MCC: variants seen among roughly 807,000 people sequenced by gnomAD.
MCC encodes the protein MCC regulator of Wnt signaling pathway.
MCC carries 90 observed loss-of-function variants against 116.2 expected under a neutral mutation model. That is an observed-to-expected ratio of 0.77 (90% CI 0.65 to 0.92). The LOEUF is 0.92. Ranked by LOEUF, MCC falls within the 40% of genes least tolerant of loss-of-function variation. MCC has a pLI of 0.00. For missense variants in MCC, 1,516 were observed against 1,312.2 expected, an observed-to-expected ratio of 1.16 and a Z score of -2.40; for synonymous variants, 578 against 510.5, an observed-to-expected ratio of 1.13 and a Z score of -1.78.
chr5:113,430,335 T>A (rs192099665), intron 1 of MCC, among the ~76,000 whole-genome samples: 1 of 152,332 alleles, frequency 6.6e-6, no homozygotes, highest in East Asian at 1.9e-4. Context: ...GGCAGAGCAC[T>A]AGGTAAAGTT....
intron 3 of MCC, among the ~76,000 whole-genome samples, chr5:113,181,453 CAA>C (rs1307670760): frequency 6.6e-6 from 1 of 152,104 alleles, no homozygotes; most frequent in Non-Finnish European, 1.5e-5. Context: ...TTATGAACTC[CAA>C]AGAGTTATCT....
intron 18 of MCC, 46 bp from the exon 19 acceptor site, chr5:113,027,528 A>G (rs367826143): frequency 2.1e-5 from 33 of 1,570,078 alleles, no homozygotes; most frequent in Admixed American, 5.0e-5. Context: ...CATCCTAAGT[A>G]GCATCGTGAC....
intron 11 of MCC, among the ~76,000 whole-genome samples, chr5:113,072,768 T>G (rs1490531844): frequency 6.6e-6 from 1 of 152,218 alleles, no homozygotes. Context: ...CCCATGATGT[T>G]ATTAGGCAGG....
chr5:113,133,855 A>C (rs1346007033), intron 5 of MCC, among the ~76,000 whole-genome samples: 1 of 152,122 alleles, frequency 6.6e-6, no homozygotes, highest in Non-Finnish European at 1.5e-5. Flanking sequence ...TGTGATTTTG[A>C]ATACTTTTTC....
chr5:113,232,512 G>T (rs1013348361), intron 3 of MCC, among the ~76,000 whole-genome samples: 1 of 151,964 alleles, frequency 6.6e-6, no homozygotes, highest in Non-Finnish European at 1.5e-5. Flanking sequence ...TTCTGAATTC[G>T]CACGCCCAAA....
chr5:113,207,163 A>G (rs1762946564), intron 3 of MCC, among the ~76,000 whole-genome samples: 1 of 152,206 alleles, frequency 6.6e-6, no homozygotes, highest in African/African-American at 2.4e-5. Context: ...TTTGGGGGTT[A>G]GAGACTTTGG....
chr5:113,317,386 G>C (rs1767311091), intron 3 of MCC, among the ~76,000 whole-genome samples: 1 of 152,178 alleles, frequency 6.6e-6, no homozygotes, highest in Admixed American at 6.5e-5. Context: ...AGAAAAGTGA[G>C]TTTATTGCAT....
intron 3 of MCC, among the ~76,000 whole-genome samples, chr5:113,248,134 G>A (rs552519561): frequency 1.3e-5 from 2 of 151,906 alleles, no homozygotes; most frequent in South Asian, 2.1e-4. Context: ...CCAGGCTGAC[G>A]TGGGAGGATT....
In MCC at chr5:113,028,956, T is replaced by A. The variant is rs1489497144; in HGVS notation, c.2857A>T (p.Asn953Tyr). The change falls in exon 18 of 19, where the codon AAT becomes TAT. Residue 953 changes from asparagine to tyrosine, a missense_variant. By Grantham distance (143) the Asn-to-Tyr change is moderately radical (BLOSUM62 -2). Transcript: ENST00000408903. ...IRHQQSAEFVNDLKRANSNLV... is the reference protein window; with the variant it reads ...IRHQQSAEFVYDLKRANSNLV... The stretch of plus-strand genomic sequence containing the variant: ...TACCTGTTGGCCCGCTTTAGATCAT[T>A]CACGAACTCTGCAGATTGCTGATGT... 1 of 1,613,994 alleles carries A rather than the reference T, an allele frequency of 6.2e-7. No homozygotes were observed.
intron 6 of MCC, among the ~76,000 whole-genome samples, chr5:113,119,063 T>C (rs1193032250): frequency 6.6e-6 from 1 of 152,222 alleles, no homozygotes; most frequent in African/African-American, 2.4e-5. Flanking sequence ...AGGTCTTCCC[T>C]GTGGACCTGT....
intron 3 of MCC, among the ~76,000 whole-genome samples, chr5:113,199,659 A>C (rs976750646): frequency 2.6e-5 from 4 of 152,234 alleles, no homozygotes; most frequent in African/African-American, 9.6e-5. Flanking sequence ...GCTCTGGTAG[A>C]ATGGTGAATG....
chr5:113,284,141 C>G (rs1252792121), intron 3 of MCC, among the ~76,000 whole-genome samples: 4 of 152,204 alleles, frequency 2.6e-5, no homozygotes, highest in Non-Finnish European at 5.9e-5. Context: ...TTTGAGGAGT[C>G]TAAAGTTATG....
At chr5:113,319,371 A>T (rs555421272) in intron 3 of MCC, among the ~76,000 whole-genome samples, 1 of 152,288 alleles carries the variant, frequency 6.6e-6, no homozygotes, top group Non-Finnish European at 1.5e-5. Flanking sequence ...TTTTCTCTTG[A>T]TGTAAACATA....
intron 5 of MCC, among the ~76,000 whole-genome samples, chr5:113,133,666 G>T (rs1758612814): frequency 6.6e-6 from 1 of 152,086 alleles, no homozygotes; most frequent in African/African-American, 2.4e-5. Flanking sequence ...TGGATCATAT[G>T]GTAGTTCTAT....
chr5:113,219,784 A>G (rs972681165), intron 3 of MCC, among the ~76,000 whole-genome samples: 4 of 152,122 alleles, frequency 2.6e-5, no homozygotes, highest in Non-Finnish European at 5.9e-5. Flanking sequence ...GAGGAGTGCT[A>G]TAAAGAGAAT....
intron 1 of MCC, among the ~76,000 whole-genome samples, chr5:113,424,030 A>G (rs1255051566): frequency 1.3e-5 from 2 of 152,032 alleles, no homozygotes; most frequent in Non-Finnish European, 2.9e-5. Context: ...GGGCCAAAAG[A>G]AAATATCTGT....
chr5:113,228,789 C>T (rs546898388), intron 3 of MCC, among the ~76,000 whole-genome samples: 12 of 152,164 alleles, frequency 7.9e-5, no homozygotes, highest in East Asian at 1.9e-4. Context: ...ACAAGAAACA[C>T]GGAGCAAATA....
intron 6 of MCC, among the ~76,000 whole-genome samples, chr5:113,117,786 T>A (rs77018315): frequency 0.011 from 1,720 of 152,330 alleles, 38 homozygotes; most frequent in African/African-American, 0.04. Flanking sequence ...CTCTGCTCTA[T>A]TGCAATACCC....
At chr5:113,044,404 G>A (rs1274542209) in intron 16 of MCC, 1 of 739,246 alleles carries the variant, frequency 1.4e-6, no homozygotes, top group African/African-American at 1.9e-5. Flanking sequence ...GACCATGCCT[G>A]AGTGCTCTAC....
Sources: gnomAD v4.1 joint callset for allele counts (sites outside exome capture counted in the v4.1 genomes callset) on GRCh38, gnomAD v4.1.1 for gene constraint, MANE v1.5 for transcripts, NCBI Gene and HGNC (gene_info 2026-07-23, HGNC 2026-07-21) for gene names.